PLEKHG1: variants seen among roughly 807,000 people sequenced by gnomAD.
PLEKHG1 encodes the protein pleckstrin homology and RhoGEF domain containing G1.
A neutral mutation model predicts 100.8 loss-of-function variants in PLEKHG1; 44 were observed. The ratio of observed to expected loss-of-function variants is 0.44; its 90% CI spans 0.34 to 0.56. PLEKHG1 has a LOEUF of 0.56. Among genes scored for constraint, PLEKHG1 ranks in the 20% least tolerant of loss-of-function variants. PLEKHG1 has a pLI of 0.01. For synonymous variants in PLEKHG1, 640 were observed against 662.5 expected (o/e 0.97, Z 0.52); for missense variants, 1,545 against 1,720.9 (o/e 0.90, Z 1.81).
In PLEKHG1 at chr6:150,831,635, C is replaced by G; in HGVS notation, c.2524C>G (p.Leu842Val). ...AGAAGTAGATGAAATCTGGAATGAC[C>G]TGGAAAATTACATCAAGAAAAATGA... Residue 842 changes from leucine (L) to valine (V), a missense_variant, in exon 15 of 16, where the codon CTG (leucine) becomes GTG (valine). Physicochemically the swap from Leu to Val is conservative, Grantham distance 32. Coordinates refer to ENST00000358517, the Ensembl canonical transcript of PLEKHG1. This position sits in a 1 kb window ranked among gnomAD's most constrained non-coding sequence, Gnocchi z 4.1. The G allele has an allele frequency of 6.2e-7, 1 of 1,613,810 alleles. No individual in the cohort carries two copies. Among genetic ancestry groups the G allele is most frequent in the Non-Finnish European group, 8.5e-7 (1 of 1,179,990 alleles).
intron 1 of PLEKHG1, among the ~76,000 whole-genome samples, chr6:150,635,214 CA>C: frequency 6.6e-6 from 1 of 152,276 alleles, no homozygotes; most frequent in East Asian, 1.9e-4. Context: ...AAGTAAATTG[CA>C]GCTTTCACAG....
chr6:150,657,854 A>G (rs539715635), intron 3 of PLEKHG1, among the ~76,000 whole-genome samples: 2 of 152,334 alleles, frequency 1.3e-5, no homozygotes, highest in African/African-American at 4.8e-5. Flanking sequence ...GTCACCTAAA[A>G]TGTCAAAAGG....
chr6:150,807,790 GA>G (rs1205943031), intron 7 of PLEKHG1, among the ~76,000 whole-genome samples: 1 of 152,076 alleles, frequency 6.6e-6, no homozygotes, highest in East Asian at 1.9e-4. Flanking sequence ...CCAACATAGT[GA>G]AACCCCATCT....
intron 15 of PLEKHG1, among the ~76,000 whole-genome samples, chr6:150,837,570 A>G (rs757380417): frequency 6.6e-6 from 1 of 152,246 alleles, no homozygotes; most frequent in South Asian, 2.1e-4. Flanking sequence ...CAAAATTGTC[A>G]TCTTCTTGGA....
chr6:150,741,489 G>A (rs557513047), intron 2 of PLEKHG1, among the ~76,000 whole-genome samples: 7 of 152,190 alleles, frequency 4.6e-5, no homozygotes, highest in East Asian at 1.9e-4. Flanking sequence ...CTAGATAGAC[G>A]CCTCAATAAT....
intron 10 of PLEKHG1, among the ~76,000 whole-genome samples, chr6:150,815,424 C>T (rs1282643300): frequency 6.6e-6 from 1 of 152,198 alleles, no homozygotes; most frequent in Non-Finnish European, 1.5e-5. Flanking sequence ...TGGAAATAGC[C>T]ATATTGCCCA....
intron 5 of PLEKHG1, among the ~76,000 whole-genome samples, chr6:150,799,494 G>T (rs558769185): frequency 6.6e-5 from 10 of 152,300 alleles, no homozygotes; most frequent in Middle Eastern, 3.4e-3. Flanking sequence ...AGACTTCCGG[G>T]AACCTGGAGC....
intron 13 of PLEKHG1, among the ~76,000 whole-genome samples, chr6:150,821,819 A>C (rs1023877848): frequency 2.1e-5 from 3 of 144,704 alleles, no homozygotes; most frequent in African/African-American, 7.6e-5. Context: ...AAGAAAAGAC[A>C]GAGGACTCTT....
intron 3 of PLEKHG1, among the ~76,000 whole-genome samples, chr6:150,693,904 G>A (rs1374044395): frequency 1.3e-5 from 2 of 152,200 alleles, no homozygotes; most frequent in African/African-American, 4.8e-5. Flanking sequence ...TGCAAACAGC[G>A]CTTCAAGAGA....
chr6:150,832,108 G>A (rs1056908652), exon 15 of PLEKHG1: 1 of 1,614,132 alleles, frequency 6.2e-7, no homozygotes. Flanking sequence ...TGAAAAGTCT[G>A]GAGCTGGAGC....
exon 16 of PLEKHG1, chr6:150,839,854 C>A (rs1178155071): frequency 6.2e-7 from 1 of 1,610,486 alleles, no homozygotes. Flanking sequence ...GCTGAGTATT[C>A]CCAGTTGTAT....
intron 1 of PLEKHG1, among the ~76,000 whole-genome samples, chr6:150,732,023 G>A (rs927723237): frequency 2.7e-5 from 4 of 148,006 alleles, no homozygotes; most frequent in Admixed American, 6.8e-5. Flanking sequence ...GTGCAGTGGC[G>A]CGATCTCGGC....
chr6:150,823,717 A>G, intron 14 of PLEKHG1, 41 bp downstream of exon 15: 3 of 1,532,440 alleles, frequency 2.0e-6, no homozygotes, highest in Admixed American at 3.4e-5. Context: ...TGTTCACTTC[A>G]GGCACCTTTC....
chr6:150,726,319 G>A (rs1299868577), intron 1 of PLEKHG1, among the ~76,000 whole-genome samples: 1 of 152,120 alleles, frequency 6.6e-6, no homozygotes, highest in African/African-American at 2.4e-5. Flanking sequence ...ACTTTTGGAG[G>A]TGATGGCTAT....
intron 1 of PLEKHG1, among the ~76,000 whole-genome samples, chr6:150,614,706 T>C (rs1043243995): frequency 2.0e-5 from 3 of 152,172 alleles, no homozygotes; most frequent in Non-Finnish European, 2.9e-5. Context: ...CTCTCTCTCA[T>C]TCGCTCTTTA....
At chr6:150,810,550 GGAAAGAAAGAAA>G (rs1306623156) in intron 10 of PLEKHG1, among the ~76,000 whole-genome samples, 50 of 119,334 alleles carry the variant, frequency 4.2e-4, no homozygotes, top group Middle Eastern at 4.4e-3. Context: ...AAGAAAGGAA[GGAAAGAAAGAAA>G]GAAAATTGAG....
At chr6:150,806,561 C>T (rs1276173808) in intron 7 of PLEKHG1, among the ~76,000 whole-genome samples, 1 of 151,794 alleles carries the variant, frequency 6.6e-6, no homozygotes. Context: ...TGGCACACGC[C>T]TGTAATCCCA....
At chr6:150,654,247 C>G (rs1012648397) in intron 3 of PLEKHG1, among the ~76,000 whole-genome samples, 4 of 152,224 alleles carry the variant, frequency 2.6e-5, no homozygotes, top group Non-Finnish European at 4.4e-5. Flanking sequence ...GCTAGCATTT[C>G]CTGAGCCCCT....
chr6:150,783,133 A>G (rs1583121076), intron 3 of PLEKHG1, among the ~76,000 whole-genome samples: 1 of 151,602 alleles, frequency 6.6e-6, no homozygotes, highest in African/African-American at 2.4e-5. Context: ...TTGAAACAAA[A>G]CAAAAAAATC....
Sources: allele counts gnomAD v4.1 joint callset (sites outside exome capture counted in the v4.1 genomes callset), GRCh38; gene constraint gnomAD v4.1.1; non-coding constraint Gnocchi (gnomAD v3.1); transcripts MANE v1.5; gene names NCBI Gene and HGNC (gene_info 2026-07-23, HGNC 2026-07-21).